IGFBP7: variants seen among roughly 807,000 people sequenced by gnomAD.
The protein encoded by IGFBP7 is insulin-like growth factor-binding protein 7.
In IGFBP7, 31 loss-of-function variants were observed where a neutral mutation model predicts 29.4. The observed-to-expected ratio is 1.05, with a 90% CI of 0.79 to 1.42. IGFBP7 has a LOEUF of 1.42. Among genes scored for constraint, IGFBP7 ranks in the 40% most tolerant of loss-of-function variants. The probability of loss-of-function intolerance (pLI) is 0.00; values close to 1 mark genes in which losing one functional copy is unlikely to be tolerated. For synonymous variants in IGFBP7, 172 were observed against 174.9 expected, an observed-to-expected ratio of 0.98 and a Z score of 0.13; for missense variants, 393 against 395.5, an observed-to-expected ratio of 0.99 and a Z score of 0.05.
At position 57,110,008 on chromosome 4, in the gene IGFBP7, C is replaced by A. The variant is rs1226285051; in HGVS notation, c.344G>T (p.Ser115Ile). The change falls in exon 1 of 5, where the codon AGC becomes ATC. Residue 115 changes from serine (S) to isoleucine (I), a missense_variant. Coordinates refer to ENST00000295666, the MANE Select transcript of IGFBP7 (RefSeq NM_001553.3). ...PGVSGVCVCKSRYPVCGSDGT... is the reference protein window; with the variant it reads ...PGVSGVCVCKIRYPVCGSDGT... The stretch of plus-strand genomic sequence containing the variant: ...GTCGCTGCCGCACACCGGGTAGCGG[C>A]TCTTGCACACGCACACGCCGCTTAC... 1 of 1,549,428 alleles carries A rather than the reference C, an allele frequency of 6.5e-7. No individual in the cohort carries two copies. Among genetic ancestry groups the A allele is most frequent in the Non-Finnish European group, 8.7e-7 (1 of 1,153,404 alleles).
At chr4:57,049,453 C>A (rs1430006929) in intron 1 of IGFBP7, among the ~76,000 whole-genome samples, 2 of 152,164 alleles carry the variant, frequency 1.3e-5, no homozygotes, top group African/African-American at 4.8e-5. Context: ...TCCTGCTCAC[C>A]CACCATTACA....
intron 1 of IGFBP7, among the ~76,000 whole-genome samples, chr4:57,051,988 G>A (rs1202207486): frequency 3.9e-5 from 6 of 152,156 alleles, no homozygotes; most frequent in Non-Finnish European, 7.3e-5. Flanking sequence ...CTCGGGAAGA[G>A]GATTCGTGTG....
chr4:57,053,124 C>G (rs1463419526), intron 1 of IGFBP7, among the ~76,000 whole-genome samples: 1 of 151,210 alleles, frequency 6.6e-6, no homozygotes, highest in Non-Finnish European at 1.5e-5. Context: ...TCAAGCAGTT[C>G]TCCTGCCTCA....
At chr4:57,071,451 T>C (rs1289810561) in intron 1 of IGFBP7, among the ~76,000 whole-genome samples, 1 of 152,232 alleles carries the variant, frequency 6.6e-6, no homozygotes, top group Non-Finnish European at 1.5e-5. Flanking sequence ...GCACTCAGTC[T>C]GGTATCATAG....
rs1236769028 is a variant in IGFBP7, at chr4:57,109,858, G to C, written c.475+19C>G. Reference sequence around the variant, plus strand: ...GGGCCGAGCGGCGCAGGGTTGGAGAGGGAAGCGCTCGTGCCCACCTTGCTC... The same window carrying C: ...GGGCCGAGCGGCGCAGGGTTGGAGACGGAAGCGCTCGTGCCCACCTTGCTC... On this transcript the variant is annotated intron_variant, in intron 1 of 4. Coordinates refer to ENST00000295666, the MANE Select transcript of IGFBP7 (RefSeq NM_001553.3). The C allele has an allele frequency of 6.5e-7, 1 of 1,534,914 alleles. No homozygotes were observed. The highest frequency in any genetic ancestry group is 8.7e-7 in the Non-Finnish European group (1 of 1,146,666).
chr4:57,099,407 G>C (rs574467915), intron 1 of IGFBP7, among the ~76,000 whole-genome samples: 2 of 152,272 alleles, frequency 1.3e-5, no homozygotes, highest in Non-Finnish European at 2.9e-5. Context: ...AAATTCCTTA[G>C]ACCATAGCTT....
chr4:57,064,447 G>A (rs1724872137), intron 1 of IGFBP7, among the ~76,000 whole-genome samples: 1 of 152,190 alleles, frequency 6.6e-6, no homozygotes, highest in Non-Finnish European at 1.5e-5. Context: ...AACCAGCAAA[G>A]CATAAGCCTC....
intron 1 of IGFBP7, among the ~76,000 whole-genome samples, chr4:57,044,783 CTAAA>C (rs1278277292): frequency 2.0e-5 from 3 of 152,200 alleles, no homozygotes; most frequent in African/African-American, 7.2e-5. Context: ...AGTTGAAGCA[CTAAA>C]TAGAGGGCAG....
chr4:57,088,136 TC>T (rs113496205), intron 1 of IGFBP7, among the ~76,000 whole-genome samples: 127,114 of 151,170 alleles, frequency 0.84, 53,584 homozygotes, highest in Middle Eastern at 0.92. Context: ...ACCTGGCTAA[TC>T]TTTTGTTTTG....
At chr4:57,082,758 AT>A (rs895890264) in intron 1 of IGFBP7, among the ~76,000 whole-genome samples, 4 of 152,230 alleles carry the variant, frequency 2.6e-5, no homozygotes, top group South Asian at 4.1e-4. Flanking sequence ...TATAGTTTTT[AT>A]TTTTTTAATG....
chr4:57,088,756 C>T (rs796560831), intron 1 of IGFBP7, among the ~76,000 whole-genome samples: 51 of 152,128 alleles, frequency 3.4e-4, no homozygotes, highest in African/African-American at 1.0e-3. Context: ...TGGCTGGGCA[C>T]GGTGGCTCAC....
intron 1 of IGFBP7, among the ~76,000 whole-genome samples, chr4:57,083,432 G>A (rs1234681709): frequency 6.6e-6 from 1 of 152,138 alleles, no homozygotes; most frequent in Non-Finnish European, 1.5e-5. Context: ...CATGTTTAAT[G>A]GCCACTTGCA....
chr4:57,033,084 G>T, intron 3 of IGFBP7, 111 bp downstream of exon 3: 1 of 806,262 alleles, frequency 1.2e-6, no homozygotes, highest in Non-Finnish European at 2.3e-6. Flanking sequence ...CCAAACAGAT[G>T]TGGAAGAGCA....
chr4:57,070,018 T>C (rs1034136058), intron 1 of IGFBP7, among the ~76,000 whole-genome samples: 1 of 151,396 alleles, frequency 6.6e-6, no homozygotes, highest in Non-Finnish European at 1.5e-5. Context: ...GAGGCAGAGG[T>C]TGCAGTGAGC....
rs796690639 is a variant in IGFBP7, at chr4:57,093,415, G to A, written c.475+16462C>T. ...CTCAGGAGGCTGAGGCGGGAGAATC[G>A]CTTGAACCTGGGAGGTAGAGGTTGC... On this transcript the variant is annotated intron_variant, in intron 1 of 4. Coordinates refer to ENST00000295666, the MANE Select transcript of IGFBP7 (RefSeq NM_001553.3). Among the ~76,000 whole-genome samples, 6 of 151,826 alleles carry A rather than the reference G, an allele frequency of 4.0e-5. No individual in the cohort carries two copies. The East Asian group carries it at 5.8e-4, about 15-fold the overall frequency.
intron 1 of IGFBP7, among the ~76,000 whole-genome samples, chr4:57,077,467 G>T (rs376118049): frequency 2.6e-5 from 4 of 152,086 alleles, no homozygotes; most frequent in Non-Finnish European, 1.5e-5. Context: ...TAGTAGAAAC[G>T]GGGTTTGACC....
chr4:57,055,943 A>C (rs1198771682), intron 1 of IGFBP7, among the ~76,000 whole-genome samples: 3 of 152,100 alleles, frequency 2.0e-5, no homozygotes, highest in Non-Finnish European at 4.4e-5. Context: ...TCCATGGAGC[A>C]GAGCGCAGGG....
chr4:57,072,777 G>T, intron 1 of IGFBP7: 1 of 529,146 alleles, frequency 1.9e-6, no homozygotes, highest in South Asian at 1.5e-5. Context: ...CTTTTCAAAT[G>T]GGTGGGGACC....
chr4:57,067,833 T>TA (rs935459005), intron 1 of IGFBP7, among the ~76,000 whole-genome samples: 19 of 145,346 alleles, frequency 1.3e-4, no homozygotes, highest in Admixed American at 1.3e-3. Context: ...TCCTCAAAAC[T>TA]AAAAAAAATA....
Sources: allele counts gnomAD v4.1 joint callset (sites outside exome capture counted in the v4.1 genomes callset), GRCh38; gene constraint gnomAD v4.1.1; transcripts MANE v1.5; gene names NCBI Gene and HGNC (gene_info 2026-07-23, HGNC 2026-07-21).